Variants in EBP observed in about 807,000 individuals in gnomAD.
EBP encodes 3-beta-hydroxysteroid-Delta(8),Delta(7)-isomerase.
EBP carries 1 observed loss-of-function variant against 14.1 expected under a neutral mutation model. The observed-to-expected ratio is 0.07, with a 90% CI of 0.03 to 0.34. The LOEUF is 0.34. Among genes scored for constraint, EBP ranks in the 10% least tolerant of loss-of-function variants. The pLI, the probability that EBP is intolerant of heterozygous loss-of-function variation, is 0.99. For missense variants in EBP, 123 were observed against 184.6 expected, an observed-to-expected ratio of 0.67 and a Z score of 1.93; for synonymous variants, 72 against 77.7, an observed-to-expected ratio of 0.93 and a Z score of 0.38.
chrX:48,522,513 C>T (rs1483318008), intron 1 of EBP, among the ~76,000 whole-genome samples: 3 of 111,280 alleles, frequency 2.7e-5, no homozygotes, highest in Non-Finnish European at 5.7e-5. Context: ...CCAGGGAGGG[C>T]TGGGATCAGG....
intron 4 of EBP, among the ~76,000 whole-genome samples, chrX:48,527,843 CA>C (rs782246768): frequency 8.9e-6 from 1 of 112,049 alleles, no homozygotes; most frequent in South Asian, 3.7e-4. Context: ...TGAGCTCAAA[CA>C]GTCCTCCTGG....
rs1556977036 is a variant in EBP, at chrX:48,523,859, C to T, written c.88C>T (p.His30Tyr). Residue 30 changes from histidine to tyrosine, a missense_variant, in exon 2 of 5, where the codon CAT becomes TAT. By Grantham distance (83) the His-to-Tyr change is moderately conservative (BLOSUM62 2). Coordinates refer to ENST00000495186, the MANE Select transcript of EBP (RefSeq NM_006579.3). ...TGTACCTAATGACCGCCCCACCTGG[C>T]ATATACTGGCTGGCCTCTTCTCTGT... is the stretch of plus-strand genomic sequence containing the variant. ...NFVPNDRPTW[H>Y]ILAGLFSVTG... 2.5e-6 allele frequency: 3 copies of T among 1,211,722 alleles called. No individual in the cohort carries two copies. In the South Asian group the frequency reaches 5.3e-5, roughly 21 times the overall value.
intron 2 of EBP, among the ~76,000 whole-genome samples, chrX:48,525,906 G>A (rs1298258888): frequency 1.8e-5 from 2 of 108,305 alleles, no homozygotes; most frequent in East Asian, 5.8e-4. Flanking sequence ...GGCCAACATA[G>A]TGAAACCCCG....
chrX:48,522,008 C>CCG (rs1183289102), intron 1 of EBP, 101 bp downstream of exon 1: 1 of 109,279 alleles, frequency 9.2e-6, no homozygotes, highest in African/African-American at 3.4e-5. Flanking sequence ...CACCCGCCCC[C>CCG]CCCACCGCCC....
chrX:48,522,816 G>T (rs1413881748), intron 1 of EBP, among the ~76,000 whole-genome samples: 1 of 111,807 alleles, frequency 8.9e-6, no homozygotes, highest in Non-Finnish European at 1.9e-5. Context: ...GTAACTACAG[G>T]CGCACGCCAC....
At position 48,526,413 on chromosome X, in the gene EBP, C is replaced by T. The variant is rs2061779409; in HGVS notation, c.302-576C>T. Among the ~76,000 whole-genome samples the T allele has an allele frequency of 2.9e-5, 3 of 105,004 alleles. No individual in the cohort carries two copies. The South Asian group carries it at 1.3e-3, about 46-fold the overall frequency. The allele number at this position is 105,004 out of a possible 115,157, so 91.2% of individuals were successfully genotyped here. ...GCTGAGCACTGTGGTGCTATCATAG[C>T]TCACTGCAGCCTCAACCTCCTGGGC... On this transcript the variant is annotated intron_variant, in intron 2 of 4. Transcript: ENST00000495186.
chrX:48,523,252 A>G (rs947977714), intron 1 of EBP, among the ~76,000 whole-genome samples: 2 of 111,521 alleles, frequency 1.8e-5, no homozygotes, highest in South Asian at 7.5e-4. Flanking sequence ...GCCTTTAGTC[A>G]TGGTCTTAAA....
intron 2 of EBP, among the ~76,000 whole-genome samples, chrX:48,524,985 G>A (rs1008922515): frequency 2.2e-4 from 24 of 111,626 alleles, no homozygotes; most frequent in Middle Eastern, 9.2e-3. Context: ...GCGCACCACC[G>A]TGCCCAGCCT....
In EBP at chrX:48,528,595, G is replaced by A. The variant is rs927180261; in HGVS notation, c.*138G>A. On this transcript the variant is annotated 3_prime_UTR_variant, in exon 5 of 5. Coordinates refer to ENST00000495186, the MANE Select transcript of EBP (RefSeq NM_006579.3). ...CAGGCTCATGGGCAGGCACAAGAAGGGGAATAAAGGGGCTGTGTGAAGGCA... is the reference window on the plus strand; with the variant it reads ...CAGGCTCATGGGCAGGCACAAGAAGAGGAATAAAGGGGCTGTGTGAAGGCA... 13 of 567,649 alleles carry A rather than the reference G, an allele frequency of 2.3e-5. No homozygotes were observed. The Admixed American group carries it at 3.3e-4, about 14-fold the overall frequency. 46.8% of individuals were successfully genotyped at this position (567,649 alleles called of 1,213,427 possible).
At position 48,528,576 on chromosome X, in the gene EBP, C is replaced by T; in HGVS notation, c.*119C>T. On this transcript the variant is annotated 3_prime_UTR_variant, in exon 5 of 5. Coordinates refer to ENST00000495186, the MANE Select transcript of EBP (RefSeq NM_006579.3). ...CTAATTGATCTGTCACACTCAGGCTCATGGGCAGGCACAAGAAGGGGAATA... is the reference window on the plus strand; with the variant it reads ...CTAATTGATCTGTCACACTCAGGCTTATGGGCAGGCACAAGAAGGGGAATA... The T allele has an allele frequency of 1.5e-6, 1 of 663,486 alleles. No individual in the cohort carries two copies. Among genetic ancestry groups the T allele is most frequent in the Non-Finnish European group, 2.3e-6 (1 of 426,751 alleles). The allele number at this position is 663,486 out of a possible 1,213,427, so 54.7% of individuals were successfully genotyped here.
At chrX:48,522,884 G>A (rs1330788491) in intron 1 of EBP, among the ~76,000 whole-genome samples, 2 of 111,073 alleles carry the variant, frequency 1.8e-5, no homozygotes, top group Non-Finnish European at 3.8e-5. Context: ...TGTTGGCCGG[G>A]CTGGTCTTGA....
rs913395334 is a variant in EBP at position 48,526,264 on chromosome X, C to T, written c.302-725C>T. Among the ~76,000 whole-genome samples, 7 of 109,943 alleles carry T rather than the reference C, an allele frequency of 6.4e-5. 1 individual carries two copies. The Admixed American group carries it at 6.8e-4, about 11-fold the overall frequency. The stretch of plus-strand genomic sequence containing the variant: ...TGAACATCTTTCATATACTTATTGG[C>T]CATTTAGAAATCCTCTTTGTGAAGA... On this transcript the variant is annotated intron_variant, in intron 2 of 4. Coordinates refer to ENST00000495186, the MANE Select transcript of EBP (RefSeq NM_006579.3).
chrX:48,526,719 C>T (rs1353283695), intron 2 of EBP: 1 of 414,790 alleles, frequency 2.4e-6, no homozygotes. Context: ...ACTTCACTCA[C>T]TCCATCATCT....
At chrX:48,527,410 T>C in intron 4 of EBP, 125 bp downstream of exon 4, 1 of 1,064,654 alleles carries the variant, frequency 9.4e-7, no homozygotes, top group Non-Finnish European at 1.3e-6. Context: ...TCAGACTGAA[T>C]GACAAACCCC....
intron 1 of EBP, among the ~76,000 whole-genome samples, chrX:48,523,440 G>C (rs1421360541): frequency 9.2e-6 from 1 of 108,918 alleles, no homozygotes; most frequent in East Asian, 2.9e-4. Context: ...TGTAGTCCCA[G>C]CTACTCGGGA....
chrX:48,528,389 A>G lies in EBP; in HGVS notation c.625A>G (p.Lys209Glu). Residue 209 changes from lysine to glutamate, a missense_variant, in exon 5 of 5, where the codon AAG (lysine) becomes GAG (glutamate). Physicochemically the swap from Lys to Glu is moderately conservative, Grantham distance 56. Coordinates refer to ENST00000495186, the MANE Select transcript of EBP (RefSeq NM_006579.3). Reference protein sequence around the residue: ...LPGVLVLDAVKHLTHAQSTLD... With the variant: ...LPGVLVLDAVEHLTHAQSTLD... ...TGGAGTCCTTGTGCTTGATGCTGTG[A>G]AGCACCTCACTCATGCCCAGAGCAC... The G allele has an allele frequency of 8.4e-7, 1 of 1,186,902 alleles. No homozygotes were observed. The highest frequency in any genetic ancestry group is 2.3e-4 in the Middle Eastern group (1 of 4,294).
intron 1 of EBP, among the ~76,000 whole-genome samples, chrX:48,522,985 G>A (rs1164925422): frequency 2.8e-5 from 3 of 107,552 alleles, no homozygotes; most frequent in African/African-American, 1.0e-4. Flanking sequence ...CTTTTTTAGA[G>A]GCAGAGTCTC....
At chrX:48,528,164 T>A in intron 4 of EBP, 70 bp from the exon 5 acceptor site, 2 of 932,216 alleles carry the variant, frequency 2.1e-6, no homozygotes, top group Non-Finnish European at 3.0e-6. Flanking sequence ...GAAAGTGCTT[T>A]GGAATAGAGA....
chrX:48,526,089 C>CAA (rs781869054), intron 2 of EBP, among the ~76,000 whole-genome samples: 144 of 41,122 alleles, frequency 3.5e-3, no homozygotes, highest in Middle Eastern at 0.014. Context: ...GGCTCCGTCT[C>CAA]AAAAAAAAAA....
Sources: gnomAD v4.1 joint callset for allele counts (sites outside exome capture counted in the v4.1 genomes callset) on GRCh38, gnomAD v4.1.1 for gene constraint, MANE v1.5 for transcripts, NCBI Gene and HGNC (gene_info 2026-07-23, HGNC 2026-07-21) for gene names.